AATF: variants seen among roughly 807,000 people sequenced by gnomAD.
AATF encodes the protein protein AATF.
A neutral mutation model predicts 63.7 loss-of-function variants in AATF; 48 were observed. The observed-to-expected ratio is 0.75, with a 90% CI of 0.60 to 0.96. AATF has a LOEUF of 0.96. Among genes scored for constraint, AATF ranks in the 40% least tolerant of loss-of-function variants. AATF has a pLI of 0.00. For synonymous variants in AATF, 258 were observed against 247.7 expected, an observed-to-expected ratio of 1.04 and a Z score of -0.39; for missense variants, 639 against 685.7, an observed-to-expected ratio of 0.93 and a Z score of 0.76.
intron 11 of AATF, among the ~76,000 whole-genome samples, chr17:37,047,851 C>T (rs1381815881): frequency 6.6e-6 from 1 of 152,120 alleles, no homozygotes; most frequent in Non-Finnish European, 1.5e-5. Context: ...CAGATTCGGG[C>T]GGCTGCGGTT....
At position 36,979,643 on chromosome 17, in the gene AATF, G is replaced by A. The variant is rs148240588; in HGVS notation, c.833-6974G>A. On this transcript the variant is annotated intron_variant, in intron 4 of 11. Coordinates refer to ENST00000619387, the MANE Select transcript of AATF (RefSeq NM_012138.4). ...GTACATAAATAATTGTAATGTTTGCGTATTTATTTAAAAACAACTGTATAG... is the reference window on the plus strand; with the variant it reads ...GTACATAAATAATTGTAATGTTTGCATATTTATTTAAAAACAACTGTATAG... Among the ~76,000 whole-genome samples, 629 of 152,148 alleles carry A rather than the reference G, an allele frequency of 4.1e-3. 7 individuals carry two copies. Among genetic ancestry groups the A allele is most frequent in the African/African-American group, 0.014 (591 of 41,496 alleles).
intron 11 of AATF, among the ~76,000 whole-genome samples, chr17:37,051,548 C>A (rs186872865): frequency 2.8e-4 from 43 of 152,234 alleles, no homozygotes; most frequent in African/African-American, 1.0e-3. Context: ...CATACACATA[C>A]ACCCCCATTT....
chr17:37,050,305 G>T (rs1362866840), intron 11 of AATF, among the ~76,000 whole-genome samples: 1 of 152,172 alleles, frequency 6.6e-6, no homozygotes, highest in East Asian at 1.9e-4. Context: ...TCTAGCTTCT[G>T]CTGTGCCTTT....
chr17:37,026,206 C>T (rs1023718998), intron 10 of AATF, among the ~76,000 whole-genome samples: 15 of 152,230 alleles, frequency 9.9e-5, no homozygotes, highest in Non-Finnish European at 2.1e-4. Flanking sequence ...GGAACTGTCA[C>T]AGATTGCAGG....
At chr17:37,001,302 A>G (rs562794012) in intron 8 of AATF, among the ~76,000 whole-genome samples, 1 of 151,474 alleles carries the variant, frequency 6.6e-6, no homozygotes, top group East Asian at 1.9e-4. Context: ...CCTGGGCAAC[A>G]GAGCAAGACC....
At chr17:36,966,434 T>A (rs1297307229) in intron 4 of AATF, among the ~76,000 whole-genome samples, 1 of 150,314 alleles carries the variant, frequency 6.7e-6, no homozygotes, top group Non-Finnish European at 1.5e-5. Context: ...CTGGCTAATT[T>A]AAAAAAAATT....
chr17:37,051,697 GACACACACACACACAC>G (rs59773430), intron 11 of AATF, among the ~76,000 whole-genome samples: 1,565 of 137,224 alleles, frequency 0.011, 18 homozygotes, highest in Middle Eastern at 0.034. Context: ...CAGACAGACA[GACACACACACACACAC>G]ACACACACAC....
chr17:37,037,050 C>T (rs2142308083), intron 11 of AATF, among the ~76,000 whole-genome samples: 1 of 150,996 alleles, frequency 6.6e-6, no homozygotes, highest in South Asian at 2.1e-4. Context: ...GTTCTCTCAC[C>T]CAGGCTGTAG....
chr17:36,967,687 T>A (rs1318242568), intron 4 of AATF, among the ~76,000 whole-genome samples: 1 of 152,200 alleles, frequency 6.6e-6, no homozygotes, highest in African/African-American at 2.4e-5. Flanking sequence ...CATAGCTTGC[T>A]GAGAAGGGGT....
At chr17:36,990,228 T>C (rs377477351) in intron 7 of AATF, among the ~76,000 whole-genome samples, 1 of 152,220 alleles carries the variant, frequency 6.6e-6, no homozygotes. Context: ...ACTCTTTCCA[T>C]TTCATTACCT....
intron 8 of AATF, among the ~76,000 whole-genome samples, chr17:37,016,587 A>G (rs920732897): frequency 7.2e-5 from 11 of 152,368 alleles, no homozygotes; most frequent in Admixed American, 6.5e-4. Flanking sequence ...CATTGTTGAA[A>G]TAAAAAGCTC....
rs3049638 is a variant in AATF at position 36,968,270 on chromosome 17, C to CTT, written c.832+14392_832+14393dup. Among the ~76,000 whole-genome samples the CTT allele has an allele frequency of 1.0e-3, 24 of 23,792 alleles. 1 individual carries two copies. Among genetic ancestry groups the CTT allele is most frequent in the South Asian group, 2.2e-3 (1 of 448 alleles). The allele number at this position is 23,792 out of a possible 152,430, so 15.6% of individuals were successfully genotyped here. A position where few individuals can be genotyped will look rare whatever the true frequency, so the allele number is the denominator to read the frequency against. ...TTTCTTTTTCTTTCTTTCCTTCTTT[C>CTT]TTTTTTTTTTTTTTTTTTTTTTTTT... On this transcript the variant is annotated intron_variant, in intron 4 of 11. Transcript: ENST00000619387.
chr17:37,040,216 A>T (rs1289476882), intron 11 of AATF, among the ~76,000 whole-genome samples: 1 of 152,188 alleles, frequency 6.6e-6, no homozygotes, highest in Non-Finnish European at 1.5e-5. Context: ...TTTCACCTTA[A>T]TTTAGTTAGT....
At chr17:37,045,656 G>C (rs906646500) in intron 11 of AATF, 2 of 152,252 alleles carry the variant, frequency 1.3e-5, no homozygotes, top group Admixed American at 6.5e-5. Flanking sequence ...TCCACAGCTC[G>C]GTCCTACAGG....
chr17:36,953,067 T>C lies in AATF; in HGVS notation c.465T>C (p.Ser155=). 1.2e-6 allele frequency: 2 copies of C among 1,614,056 alleles called. No homozygotes were observed. Among genetic ancestry groups the C allele is most frequent in the African/African-American group, 1.3e-5 (1 of 75,000 alleles). The change falls in exon 3 of 12, where the codon AGT becomes AGC. Residue 155 remains serine, a synonymous_variant. Coordinates refer to ENST00000619387, the MANE Select transcript of AATF (RefSeq NM_012138.4). ...CGGGCTTCAGTGTCCAGAGTATCAG[T>C]GACTTTGAGAAATTTACCAAGGGAA... ...KTPGFSVQSI[S]DFEKFTKGMD...
chr17:37,027,357 AGAT>A (rs1017117076), intron 10 of AATF, among the ~76,000 whole-genome samples: 12 of 152,158 alleles, frequency 7.9e-5, no homozygotes, highest in African/African-American at 2.9e-4. Flanking sequence ...GGTTGGTAAA[AGAT>A]GATTTAATAT....
chr17:37,027,128 G>A lies in AATF; in HGVS notation c.1548-4486G>A, dbSNP rs186218230. On this transcript the variant is annotated intron_variant, in intron 10 of 11. Transcript: ENST00000619387. ...TGCTAATTGGATGCTAGAAAATAAC[G>A]TTTTTTAAAAAAACAAATATTTTGG... Among the ~76,000 whole-genome samples the A allele has an allele frequency of 4.6e-3, 702 of 151,918 alleles. 11 individuals carry two copies. Among genetic ancestry groups the A allele is most frequent in the Non-Finnish European group, 3.5e-3 (239 of 67,954 alleles).
At chr17:37,010,516 G>A (rs770663777) in intron 8 of AATF, among the ~76,000 whole-genome samples, 33 of 152,100 alleles carry the variant, frequency 2.2e-4, no homozygotes, top group Non-Finnish European at 4.1e-4. Flanking sequence ...TCCTTCAAGG[G>A]GCCCCTGAAG....
chr17:37,046,371 G>T (rs1358591235), intron 11 of AATF, among the ~76,000 whole-genome samples: 1 of 152,064 alleles, frequency 6.6e-6, no homozygotes, highest in Non-Finnish European at 1.5e-5. Flanking sequence ...AGCAGAACCT[G>T]GGAGAAGGAA....
Sources: allele counts gnomAD v4.1 joint callset (sites outside exome capture counted in the v4.1 genomes callset), GRCh38; gene constraint gnomAD v4.1.1; transcripts MANE v1.5; gene names NCBI Gene and HGNC (gene_info 2026-07-23, HGNC 2026-07-21).